The following CHST6 variants were observed in gnomAD, a reference collection of about 807,000 sequenced individuals.
CHST6 encodes carbohydrate sulfotransferase 6, also known as N-acetylglucosamine 6-O-sulfotransferase 5.
For synonymous variants in CHST6, 309 were observed against 276.4 expected (o/e 1.12, Z -1.17); for missense variants, 698 against 586.2 (o/e 1.19, Z -1.97).
Position 75,474,822 on chromosome 16 carries a change from C to G in CHST6, c.*3819G>C, listed in dbSNP as rs8063068. The G allele has an allele frequency of 0.56, 219,946 of 395,490 alleles. 61,597 individuals carry two copies. The highest frequency in any genetic ancestry group is 0.65 in the Admixed American group (14,787 of 22,658). The allele number at this position is 395,490 out of a possible 1,614,324, so 24.5% of individuals were successfully genotyped here. ...TAATGGTGGTTTTTTTTAAGACAGACTCTCGCTTTGTTGCCCAGGCTGGAG... is the reference window on the plus strand; with the variant it reads ...TAATGGTGGTTTTTTTTAAGACAGAGTCTCGCTTTGTTGCCCAGGCTGGAG... On this transcript the variant is annotated 3_prime_UTR_variant, in exon 3 of 3. Transcript: ENST00000332272.
chr16:75,481,774 A>G, intron 2 of CHST6, 43 bp downstream of exon 2: 1 of 474,016 alleles, frequency 2.1e-6, no homozygotes, highest in South Asian at 1.6e-5. Context: ...AGAAGCAGAG[A>G]GGTGAGAGCA....
In CHST6 at chr16:75,478,527, T is replaced by C. The variant is rs2080090757; in HGVS notation, c.*114A>G. ...TTGCCTACTTGGGGAGGGGGAGGGG[T>C]CGTACCACAAACTCCTTGGTCAATA... On this transcript the variant is annotated 3_prime_UTR_variant, in exon 3 of 3. Coordinates refer to ENST00000332272, the MANE Select transcript of CHST6 (RefSeq NM_021615.5). 4 of 1,026,000 alleles carry C rather than the reference T, an allele frequency of 3.9e-6. No homozygotes were observed. Among genetic ancestry groups the C allele is most frequent in the Non-Finnish European group, 6.1e-6 (4 of 659,842 alleles). The allele number at this position is 1,026,000 out of a possible 1,614,324, so 63.6% of individuals were successfully genotyped here. A position where few individuals can be genotyped will look rare whatever the true frequency, so the allele number is the denominator to read the frequency against.
In CHST6 at chr16:75,476,414, G is replaced by C. The variant is rs968385742; in HGVS notation, c.*2227C>G. 7 of 151,516 alleles carry C rather than the reference G, an allele frequency of 4.6e-5. No homozygotes were observed. The highest frequency in any genetic ancestry group is 1.0e-4 in the Non-Finnish European group (7 of 67,982). 9.4% of individuals were successfully genotyped at this position (151,516 alleles called of 1,614,324 possible). A position where few individuals can be genotyped will look rare whatever the true frequency, so the allele number is the denominator to read the frequency against. On this transcript the variant is annotated 3_prime_UTR_variant, in exon 3 of 3. Transcript: ENST00000332272. Reference sequence around the variant, plus strand: ...AAAAATACAAAAATTAGCTGGGCATGGTGGTGCATCCCTGTAGTCCCAGCT... The same window carrying C: ...AAAAATACAAAAATTAGCTGGGCATCGTGGTGCATCCCTGTAGTCCCAGCT...
chr16:75,485,869 T>C lies in CHST6; in HGVS notation c.-91-3978A>G, dbSNP rs143789158. On this transcript the variant is annotated intron_variant, in intron 1 of 2. Transcript: ENST00000332272. ...TGGACATCCAGCCGCGGGAGGGTCA[T>C]GCTGGTCCTGGCTGCATCCTTATCT... Among the ~76,000 whole-genome samples, 1,153 of 152,286 alleles carry C rather than the reference T, an allele frequency of 7.6e-3. 15 individuals carry two copies. Among genetic ancestry groups the C allele is most frequent in the African/African-American group, 0.026 (1,081 of 41,556 alleles).
chr16:75,474,676 G>C lies in CHST6; in HGVS notation c.*3965C>G. ...CATCTAGCGAGAGCCTTCTTGCTGT[G>C]TCCTAGCATGATGGAAGGCATCATA... On this transcript the variant is annotated 3_prime_UTR_variant, in exon 3 of 3. Coordinates refer to ENST00000332272, the MANE Select transcript of CHST6 (RefSeq NM_021615.5). 1 of 398,746 alleles carries C rather than the reference G, an allele frequency of 2.5e-6. No homozygotes were observed. Among genetic ancestry groups the C allele is most frequent in the Non-Finnish European group, 4.4e-6 (1 of 226,174 alleles). The allele number at this position is 398,746 out of a possible 1,614,324, so 24.7% of individuals were successfully genotyped here.
In CHST6 at chr16:75,475,684, GCGCAGAGAGCAAAT is replaced by G. The variant is rs2080058966; in HGVS notation, c.*2943_*2956del. ...TGTGAGGCTTGACTGTACTGCCCAT[GCGCAGAGAGCAAAT>G]TCAGGAGCCAGTCAAGCATGTCCTG... On this transcript the variant is annotated 3_prime_UTR_variant, in exon 3 of 3. Transcript: ENST00000332272. 1 of 152,246 alleles carries G rather than the reference GCGCAGAGAGCAAAT, an allele frequency of 6.6e-6. No homozygotes were observed. The highest frequency in any genetic ancestry group is 6.5e-5 in the Admixed American group (1 of 15,278). The allele number at this position is 152,246 out of a possible 1,614,324, so 9.4% of individuals were successfully genotyped here.
At chr16:75,494,547 G>T (rs1032738758) in intron 1 of CHST6, among the ~76,000 whole-genome samples, 1 of 152,188 alleles carries the variant, frequency 6.6e-6, no homozygotes, top group African/African-American at 2.4e-5. Context: ...AGATGAAGCC[G>T]TCAGAAGCAG....
intron 2 of CHST6, 46 bp from the exon 3 acceptor site, chr16:75,479,890 C>T (rs549468138): frequency 1.5e-5 from 23 of 1,493,962 alleles, no homozygotes; most frequent in Non-Finnish European, 1.9e-5. Context: ...CCTGCACGCC[C>T]ATCCCGTACC....
At chr16:75,492,584 C>A (rs758878345) in intron 1 of CHST6, among the ~76,000 whole-genome samples, 2 of 152,224 alleles carry the variant, frequency 1.3e-5, no homozygotes, top group Non-Finnish European at 2.9e-5. Flanking sequence ...CGCGGTGGCT[C>A]ACGCCTGTAA....
intron 1 of CHST6, among the ~76,000 whole-genome samples, chr16:75,485,439 T>G (rs1453511178): frequency 1.3e-5 from 2 of 152,170 alleles, no homozygotes; most frequent in African/African-American, 2.4e-5. Flanking sequence ...CTCACCAGCT[T>G]GGGCAACAGA....
chr16:75,485,046 C>G (rs980880660), intron 1 of CHST6, among the ~76,000 whole-genome samples: 1 of 152,082 alleles, frequency 6.6e-6, no homozygotes, highest in Non-Finnish European at 1.5e-5. Flanking sequence ...AGAGGCAATT[C>G]TGCTTTAAAT....
At chr16:75,479,926 A>AGTG in intron 2 of CHST6, 82 bp from the exon 3 acceptor site, 1 of 1,202,074 alleles carries the variant, frequency 8.3e-7, no homozygotes, top group Non-Finnish European at 1.2e-6. Flanking sequence ...CGCAGGGGGC[A>AGTG]GATTCTACCA....
intron 1 of CHST6, among the ~76,000 whole-genome samples, chr16:75,492,929 G>GA (rs1181042312): frequency 1.3e-5 from 2 of 151,906 alleles, no homozygotes; most frequent in African/African-American, 2.4e-5. Context: ...ATTCTGATTT[G>GA]AAAAAAACAT....
intron 1 of CHST6, among the ~76,000 whole-genome samples, chr16:75,482,269 T>C (rs2151668090): frequency 6.6e-6 from 1 of 152,182 alleles, no homozygotes; most frequent in Middle Eastern, 3.4e-3. Context: ...GTCACATAGG[T>C]CGGGTATGGA....
chr16:75,493,881 G>A lies in CHST6; in HGVS notation c.-92+1059C>T, dbSNP rs1015973350. ...GTTTTTTCTGAGATGGAGTCTCGCT[G>A]TTGTCCAGACTGGAGTGAAGTACCG... On this transcript the variant is annotated intron_variant, in intron 1 of 2. Coordinates refer to ENST00000332272, the MANE Select transcript of CHST6 (RefSeq NM_021615.5). Among the ~76,000 whole-genome samples, 26 of 152,284 alleles carry A rather than the reference G, an allele frequency of 1.7e-4. 1 individual carries two copies. The South Asian group carries it at 2.3e-3, about 13-fold the overall frequency.
rs781552284 is a variant in CHST6 at position 75,478,725 on chromosome 16, G to A, written c.1104C>T (p.Arg368=). 6.2e-7 allele frequency: 1 copy of A among 1,613,582 alleles called. No individual in the cohort carries two copies. The highest frequency in any genetic ancestry group is 1.7e-5 in the Admixed American group (1 of 60,030). ...YRPVYSEDEQ[R]NLALDLVLPR... is the part of the protein sequence containing the mutation. ...GCAGCACCAGATCAAGGGCGAGGTT[G>A]CGCTGCTCGTCCTCAGAGTACACAG... The change falls in exon 3 of 3, where the codon CGC becomes CGT. Residue 368 remains arginine (R), a synonymous_variant. Coordinates refer to ENST00000332272, the MANE Select transcript of CHST6 (RefSeq NM_021615.5).
At chr16:75,490,385 G>C (rs967472402) in intron 1 of CHST6, among the ~76,000 whole-genome samples, 1 of 152,076 alleles carries the variant, frequency 6.6e-6, no homozygotes, top group Non-Finnish European at 1.5e-5. Context: ...GGCTGAGGCA[G>C]GAGAATCACT....
chr16:75,490,479 A>C (rs1007573636), intron 1 of CHST6: 3 of 151,568 alleles, frequency 2.0e-5, no homozygotes, highest in Non-Finnish European at 2.9e-5. Context: ...ACTCCGTCTC[A>C]AAAAAAAAGG....
At chr16:75,482,275 A>G (rs1240129262) in intron 1 of CHST6, among the ~76,000 whole-genome samples, 2 of 152,188 alleles carry the variant, frequency 1.3e-5, no homozygotes, top group Non-Finnish European at 2.9e-5. Flanking sequence ...TAGGTCGGGT[A>G]TGGAGGTTCA....
Sources: allele counts gnomAD v4.1 joint callset (sites outside exome capture counted in the v4.1 genomes callset), GRCh38; gene constraint gnomAD v4.1.1; transcripts MANE v1.5; gene names NCBI Gene and HGNC (gene_info 2026-07-23, HGNC 2026-07-21).